Variants in DIP2B observed in about 807,000 individuals in gnomAD.
The protein encoded by DIP2B is disco-interacting protein 2 homolog B.
Under a neutral mutation model 198.0 loss-of-function variants are expected in DIP2B, and 76 were observed. The observed-to-expected ratio is 0.38, with a 90% CI of 0.32 to 0.46. The LOEUF (loss-of-function observed/expected upper bound fraction) is 0.46, where lower values mean the gene tolerates loss of function less well. Among genes scored for constraint, DIP2B ranks in the 20% least tolerant of loss-of-function variants. DIP2B has a pLI of 0.99. For synonymous variants in DIP2B, 701 were observed against 739.1 expected (o/e 0.95, Z 0.84); for missense variants, 1,559 against 1,978.4 (o/e 0.79, Z 4.02).
At chr12:50,585,548 A>C (rs1396032105) in intron 1 of DIP2B, among the ~76,000 whole-genome samples, 1 of 152,154 alleles carries the variant, frequency 6.6e-6, no homozygotes, top group Non-Finnish European at 1.5e-5. Context: ...TGAGGCCTCA[A>C]GGAGGAACAA....
At chr12:50,516,787 C>A in intron 1 of DIP2B, among the ~76,000 whole-genome samples, 1 of 151,980 alleles carries the variant, frequency 6.6e-6, no homozygotes, top group East Asian at 2.0e-4. Flanking sequence ...CCAGCCTGGC[C>A]AACATGGCGA....
chr12:50,639,591 CTT>C (rs970097290), intron 2 of DIP2B, among the ~76,000 whole-genome samples: 2 of 143,856 alleles, frequency 1.4e-5, no homozygotes, highest in Non-Finnish European at 1.5e-5. Context: ...TGCTTTGAGT[CTT>C]TTTTTTTTTT....
chr12:50,538,595 C>T (rs1236698897), intron 1 of DIP2B, among the ~76,000 whole-genome samples: 1 of 151,932 alleles, frequency 6.6e-6, no homozygotes, highest in African/African-American at 2.4e-5. Context: ...GAGAAATTTA[C>T]CCATTTCTTG....
At chr12:50,608,120 T>C (rs931462623) in intron 1 of DIP2B, among the ~76,000 whole-genome samples, 7 of 152,204 alleles carry the variant, frequency 4.6e-5, no homozygotes, top group Admixed American at 4.6e-4. Context: ...AAATAAGCTG[T>C]AGTCTTTCAA....
rs149067041 is a variant in DIP2B, at chr12:50,717,334, G to A, written c.2852-1375G>A. 2.0e-5 allele frequency among the ~76,000 whole-genome samples: 3 copies of A among 146,502 alleles called. No individual in the cohort carries two copies. The East Asian group carries it at 6.2e-4, about 30-fold the overall frequency. ...ACACTGTTGCCCAGGCTGGAGTGCG[G>A]TGGCATGATCTCAGCTCACTGCAGC... On this transcript the variant is annotated intron_variant, in intron 23 of 37. Transcript: ENST00000301180.
At chr12:50,527,764 T>C (rs1958180115) in intron 1 of DIP2B, among the ~76,000 whole-genome samples, 1 of 152,158 alleles carries the variant, frequency 6.6e-6, no homozygotes. Context: ...ATTAAAATAA[T>C]TATTAAGTGT....
At chr12:50,699,647 C>A (rs1166019928) in intron 19 of DIP2B, among the ~76,000 whole-genome samples, 1 of 151,928 alleles carries the variant, frequency 6.6e-6, no homozygotes, top group East Asian at 1.9e-4. Flanking sequence ...GAGTTTGAGA[C>A]CAGGCAATGT....
intron 1 of DIP2B, among the ~76,000 whole-genome samples, chr12:50,617,185 T>G (rs532422275): frequency 2.6e-5 from 4 of 151,378 alleles, no homozygotes; most frequent in African/African-American, 9.7e-5. Context: ...AGACGGAGTC[T>G]CGCTCTGTCA....
Position 50,671,353 on chromosome 12 carries a change from G to A in DIP2B, c.595G>A (p.Gly199Arg), listed in dbSNP as rs1443948842. 1 of 1,614,058 alleles carries A rather than the reference G, an allele frequency of 6.2e-7. No homozygotes were observed. The highest frequency in any genetic ancestry group is 8.5e-7 in the Non-Finnish European group (1 of 1,180,042). The change falls in exon 5 of 38, where the codon GGA (glycine) becomes AGA (arginine). Residue 199 changes from glycine (G) to arginine (R), a missense_variant. Transcript: ENST00000301180. ...SSTLSHGEVK[G>R]TSGSLADVFA... ...TACGCTGTCCCACGGAGAGGTCAAA[G>A]GAACCAGTGGGTCTCTAGCTGATGT... is the stretch of plus-strand genomic sequence containing the variant.
rs1565811368 is a variant in DIP2B at position 50,521,190 on chromosome 12, TCTGCCTC to T, written c.100+15952_100+15958del. Among the ~76,000 whole-genome samples, 23 of 142,984 alleles carry T rather than the reference TCTGCCTC, an allele frequency of 1.6e-4. No homozygotes were observed. In the East Asian group the frequency reaches 5.0e-3, roughly 31 times the overall value. 93.8% of individuals were successfully genotyped at this position (142,984 alleles called of 152,430 possible). ...GGCGCGATGTCAGGTCACTGCAACC[TCTGCCTC>T]CCGGGTTTAATCGATTCTCCTGCCT... On this transcript the variant is annotated intron_variant, in intron 1 of 37. Transcript: ENST00000301180.
intron 1 of DIP2B, among the ~76,000 whole-genome samples, chr12:50,512,342 G>A (rs1267655931): frequency 1.3e-5 from 2 of 151,932 alleles, no homozygotes; most frequent in Admixed American, 6.6e-5. Context: ...CCTGACCTCC[G>A]GTGATCTGCC....
At chr12:50,676,867 A>G (rs1245904913) in intron 7 of DIP2B, among the ~76,000 whole-genome samples, 1 of 152,094 alleles carries the variant, frequency 6.6e-6, no homozygotes, top group Admixed American at 6.5e-5. Flanking sequence ...TATTTTTTTT[A>G]GTTAATCTGG....
At chr12:50,651,541 C>T (rs1938453210) in intron 3 of DIP2B, among the ~76,000 whole-genome samples, 1 of 152,066 alleles carries the variant, frequency 6.6e-6, no homozygotes, top group Non-Finnish European at 1.5e-5. Context: ...CATTCTTTTG[C>T]ATGTGGATAT....
chr12:50,662,149 T>A (rs1315128900), intron 4 of DIP2B, among the ~76,000 whole-genome samples: 1 of 152,246 alleles, frequency 6.6e-6, no homozygotes, highest in Non-Finnish European at 1.5e-5. Flanking sequence ...TTATACATAA[T>A]AATTTCATGA....
At chr12:50,676,984 A>G (rs1236575041) in intron 7 of DIP2B, among the ~76,000 whole-genome samples, 1 of 151,066 alleles carries the variant, frequency 6.6e-6, no homozygotes, top group African/African-American at 2.5e-5. Flanking sequence ...ATGTTACGTT[A>G]GTAGAAAAAT....
Position 50,683,185 on chromosome 12 carries a change from T to G in DIP2B, c.1254T>G (p.Ala418=), listed in dbSNP as rs1310098012. The part of the protein sequence containing the change: ...PNNDPVMFMV[A]FYGCLLAEVI... Reference sequence around the variant, plus strand: ...ATGATCCAGTCATGTTTATGGTGGCTTTCTATGGATGCCTCCTGGCAGAAG... The same window carrying G: ...ATGATCCAGTCATGTTTATGGTGGCGTTCTATGGATGCCTCCTGGCAGAAG... The change falls in exon 10 of 38, where the codon GCT becomes GCG. Residue 418 remains alanine (A), a synonymous_variant. Coordinates refer to ENST00000301180, the MANE Select transcript of DIP2B (RefSeq NM_173602.3). The G allele has an allele frequency of 6.2e-7, 1 of 1,613,180 alleles. No individual in the cohort carries two copies. The highest frequency in any genetic ancestry group is 8.5e-7 in the Non-Finnish European group (1 of 1,179,758).
chr12:50,523,450 C>T (rs906014533), intron 1 of DIP2B, among the ~76,000 whole-genome samples: 2 of 152,132 alleles, frequency 1.3e-5, no homozygotes, highest in South Asian at 2.1e-4. Context: ...AAGATATGGA[C>T]GGGCCAACTG....
At chr12:50,521,586 A>T (rs1593576319) in intron 1 of DIP2B, among the ~76,000 whole-genome samples, 1 of 138,974 alleles carries the variant, frequency 7.2e-6, no homozygotes, top group South Asian at 2.3e-4. Flanking sequence ...TCCATCTCCC[A>T]GGTTCAAGTG....
At chr12:50,730,551 TAAAA>T (rs954708991) in intron 30 of DIP2B, among the ~76,000 whole-genome samples, 2 of 151,944 alleles carry the variant, frequency 1.3e-5, no homozygotes, top group Non-Finnish European at 2.9e-5. Flanking sequence ...GGCTAATTGT[TAAAA>T]AAATTTTTTT....
Sources: gnomAD v4.1 joint callset for allele counts (sites outside exome capture counted in the v4.1 genomes callset) on GRCh38, gnomAD v4.1.1 for gene constraint, MANE v1.5 for transcripts, NCBI Gene and HGNC (gene_info 2026-07-23, HGNC 2026-07-21) for gene names.